CNBD1: variants seen among roughly 807,000 people sequenced by gnomAD.
CNBD1 encodes the protein cyclic nucleotide binding domain containing 1.
Under a neutral mutation model 54.4 loss-of-function variants are expected in CNBD1, and 71 were observed. The observed-to-expected ratio is 1.30, with a 90% CI of 1.08 to 1.59. CNBD1 has a LOEUF of 1.59. Ranked by LOEUF, CNBD1 falls within the 40% of genes most tolerant of loss-of-function variation. The pLI, the probability that CNBD1 is intolerant of heterozygous loss-of-function variation, is 0.00. For missense variants in CNBD1, 659 were observed against 518.0 expected (o/e 1.27, Z -2.64); for synonymous variants, 182 against 170.7 (o/e 1.07, Z -0.51).
chr8:87,025,129 A>T (rs1423520608), intron 4 of CNBD1, among the ~76,000 whole-genome samples: 2 of 152,116 alleles, frequency 1.3e-5, no homozygotes, highest in Non-Finnish European at 2.9e-5. Flanking sequence ...AAATGCACCA[A>T]TCAGCGCTCT....
chr8:87,362,245 C>G (rs138690692), intron 10 of CNBD1, among the ~76,000 whole-genome samples: 602 of 152,174 alleles, frequency 4.0e-3, no homozygotes, highest in African/African-American at 0.014. Flanking sequence ...ATATTAGAAA[C>G]AAGGGCACAG....
At chr8:87,254,041 T>A (rs1034689673) in intron 6 of CNBD1, among the ~76,000 whole-genome samples, 4 of 152,208 alleles carry the variant, frequency 2.6e-5, no homozygotes, top group Non-Finnish European at 5.9e-5. Flanking sequence ...CCTATGTTCA[T>A]GGAGTAATGT....
At chr8:87,249,338 A>ATGAAGCTTTTCCTGCTTGCCCATTGCT (rs1807866974) in intron 6 of CNBD1, among the ~76,000 whole-genome samples, 1 of 152,118 alleles carries the variant, frequency 6.6e-6, no homozygotes, top group Non-Finnish European at 1.5e-5. Flanking sequence ...GTAAACATAG[A>ATGAAGCTTTTCCTGCTTGCCCATTGCT]TGAAGCTTTT....
At chr8:87,342,938 C>A (rs1311484427) in intron 8 of CNBD1, among the ~76,000 whole-genome samples, 1 of 152,114 alleles carries the variant, frequency 6.6e-6, no homozygotes, top group African/African-American at 2.4e-5. Context: ...TGGAATTTCC[C>A]AATCCTAGCA....
intron 2 of CNBD1, among the ~76,000 whole-genome samples, chr8:86,894,314 G>A (rs1207862806): frequency 1.3e-5 from 2 of 151,710 alleles, no homozygotes; most frequent in Non-Finnish European, 2.9e-5. Flanking sequence ...ACCCGCCTCG[G>A]CCTCCCGAAG....
intron 4 of CNBD1, among the ~76,000 whole-genome samples, chr8:87,102,209 C>T (rs1452751394): frequency 6.6e-6 from 1 of 151,952 alleles, no homozygotes; most frequent in African/African-American, 2.4e-5. Flanking sequence ...TGTTGATGGA[C>T]ATAACTGATT....
chr8:87,292,965 G>A (rs1173337278), intron 8 of CNBD1, among the ~76,000 whole-genome samples: 2 of 151,996 alleles, frequency 1.3e-5, no homozygotes, highest in South Asian at 4.1e-4. Context: ...CTAGTTTTAT[G>A]GCCCTACTAG....
intron 4 of CNBD1, among the ~76,000 whole-genome samples, chr8:87,122,621 G>A (rs1252830643): frequency 6.6e-6 from 1 of 151,782 alleles, no homozygotes; most frequent in East Asian, 1.9e-4. Flanking sequence ...CCAGACCAAT[G>A]TCATTTAGCA....
chr8:87,109,540 C>CTTTCT (rs1554555995), intron 4 of CNBD1, among the ~76,000 whole-genome samples: 2 of 107,966 alleles, frequency 1.9e-5, no homozygotes, highest in Admixed American at 9.1e-5. Flanking sequence ...TTCTTTCTTT[C>CTTTCT]TTTTTTTTTT....
intron 5 of CNBD1, among the ~76,000 whole-genome samples, chr8:87,232,645 A>G (rs1406115752): frequency 6.6e-6 from 1 of 152,178 alleles, no homozygotes; most frequent in Non-Finnish European, 1.5e-5. Context: ...AAAAAACGTT[A>G]TATAAATACT....
intron 8 of CNBD1, among the ~76,000 whole-genome samples, chr8:87,308,200 G>A (rs981408478): frequency 6.6e-6 from 1 of 152,212 alleles, no homozygotes; most frequent in East Asian, 1.9e-4. Context: ...TGGGCCAGGG[G>A]ATGGAATTTG....
chr8:87,340,799 T>G (rs551144622), intron 8 of CNBD1, among the ~76,000 whole-genome samples: 20 of 152,258 alleles, frequency 1.3e-4, no homozygotes, highest in African/African-American at 4.6e-4. Flanking sequence ...TCAAAATTTT[T>G]ATTTTGTTCA....
intron 4 of CNBD1, among the ~76,000 whole-genome samples, chr8:86,950,225 A>C (rs1444573194): frequency 6.6e-6 from 1 of 151,052 alleles, no homozygotes; most frequent in Non-Finnish European, 1.5e-5. Context: ...CACGCCTGGC[A>C]AATTTTTGTA....
At chr8:87,258,915 A>G (rs1416158145) in intron 6 of CNBD1, among the ~76,000 whole-genome samples, 2 of 152,206 alleles carry the variant, frequency 1.3e-5, no homozygotes, top group Non-Finnish European at 2.9e-5. Flanking sequence ...TAATTTTTAT[A>G]TACCTTCCAC....
chr8:87,337,694 C>G (rs1013281945), intron 8 of CNBD1, among the ~76,000 whole-genome samples: 1 of 152,212 alleles, frequency 6.6e-6, no homozygotes, highest in Non-Finnish European at 1.5e-5. Flanking sequence ...CACTCATTGC[C>G]TCCCTTGGCT....
intron 6 of CNBD1, among the ~76,000 whole-genome samples, chr8:87,247,226 G>A (rs1372793766): frequency 6.6e-6 from 1 of 152,110 alleles, no homozygotes; most frequent in Admixed American, 6.6e-5. Context: ...TTCGCTTCTA[G>A]CACGGACAAA....
chr8:87,428,601 C>T (rs1808090206), exon 3 of CNBD1: 1 of 454,564 alleles, frequency 2.2e-6, no homozygotes, highest in Middle Eastern at 3.3e-4. Flanking sequence ...CAACTTTTGG[C>T]CATCTGACAG....
At chr8:86,982,294 A>G (rs1255376989) in intron 4 of CNBD1, among the ~76,000 whole-genome samples, 1 of 152,104 alleles carries the variant, frequency 6.6e-6, no homozygotes, top group Non-Finnish European at 1.5e-5. Context: ...TTAGTCATGC[A>G]TTTTCTGCAA....
chr8:86,922,084 G>T (rs1809283652), intron 3 of CNBD1, among the ~76,000 whole-genome samples: 2 of 152,074 alleles, frequency 1.3e-5, no homozygotes, highest in African/African-American at 4.8e-5. Context: ...GATAAGAGTT[G>T]TCCAGAAGAA....
Sources: allele counts gnomAD v4.1 joint callset (sites outside exome capture counted in the v4.1 genomes callset), GRCh38; gene constraint gnomAD v4.1.1; transcripts MANE v1.5; gene names NCBI Gene and HGNC (gene_info 2026-07-23, HGNC 2026-07-21).